The following SLC8A1 variants were observed in gnomAD, a reference collection of about 807,000 sequenced individuals.
The protein encoded by SLC8A1 is solute carrier family 8 member A1.
SLC8A1 carries 18 observed loss-of-function variants against 68.3 expected under a neutral mutation model. The ratio of observed to expected loss-of-function variants is 0.26; its 90% CI spans 0.18 to 0.39. The LOEUF (loss-of-function observed/expected upper bound fraction) is 0.39, where lower values mean the gene tolerates loss of function less well. Among genes scored for constraint, SLC8A1 ranks in the 10% least tolerant of loss-of-function variants. SLC8A1 has a pLI of 1.00. For missense variants in SLC8A1, 985 were observed against 1,156.7 expected, an observed-to-expected ratio of 0.85 and a Z score of 2.15; for synonymous variants, 475 against 415.5, an observed-to-expected ratio of 1.14 and a Z score of -1.74.
chr2:40,386,676 T>G (rs920545685), intron 2 of SLC8A1, among the ~76,000 whole-genome samples: 2 of 150,180 alleles, frequency 1.3e-5, no homozygotes, highest in African/African-American at 5.0e-5. Context: ...ATATTATTAA[T>G]AAATAATTGT....
chr2:40,252,383 A>AT, intron 2 of SLC8A1, among the ~76,000 whole-genome samples: 1 of 152,058 alleles, frequency 6.6e-6, no homozygotes, highest in Non-Finnish European at 1.5e-5. Flanking sequence ...CCCAGGCTGG[A>AT]GTGCAGTGGC....
At chr2:40,437,665 C>A (rs1257421599) in intron 1 of SLC8A1, among the ~76,000 whole-genome samples, 1 of 151,910 alleles carries the variant, frequency 6.6e-6, no homozygotes, top group Non-Finnish European at 1.5e-5. Flanking sequence ...AACAATAATT[C>A]AGTATTTTTT....
intron 1 of SLC8A1, among the ~76,000 whole-genome samples, chr2:40,435,246 G>A (rs541712769): frequency 3.9e-4 from 59 of 152,218 alleles, no homozygotes; most frequent in African/African-American, 1.4e-3. Flanking sequence ...CAACATTAAA[G>A]CAACCATAAA....
At chr2:40,207,584 C>A (rs905058517) in intron 2 of SLC8A1, among the ~76,000 whole-genome samples, 1 of 151,872 alleles carries the variant, frequency 6.6e-6, no homozygotes, top group African/African-American at 2.4e-5. Context: ...AAATGCTACA[C>A]AAAATATATT....
At chr2:40,397,594 G>A (rs193254140) in intron 2 of SLC8A1, among the ~76,000 whole-genome samples, 59 of 152,216 alleles carry the variant, frequency 3.9e-4, no homozygotes, top group African/African-American at 9.6e-4. Flanking sequence ...GAGCCTGACC[G>A]TTCCAGATCA....
At chr2:40,162,721 A>G (rs1032645138) in intron 5 of SLC8A1, among the ~76,000 whole-genome samples, 5 of 152,164 alleles carry the variant, frequency 3.3e-5, no homozygotes, top group Non-Finnish European at 7.3e-5. Context: ...TGTTGTCTGT[A>G]TTTACCTAGG....
chr2:40,431,975 G>T (rs1698416816), intron 1 of SLC8A1, among the ~76,000 whole-genome samples: 1 of 152,100 alleles, frequency 6.6e-6, no homozygotes. Context: ...AATCAGAGGA[G>T]GGTTATAGCA....
chr2:40,331,549 C>A (rs1475187900), intron 2 of SLC8A1, among the ~76,000 whole-genome samples: 2 of 151,910 alleles, frequency 1.3e-5, no homozygotes, highest in Admixed American at 6.6e-5. Flanking sequence ...TAAAACTCAT[C>A]AATTATTTTT....
At chr2:40,273,933 C>T (rs951114518) in intron 2 of SLC8A1, among the ~76,000 whole-genome samples, 1 of 147,010 alleles carries the variant, frequency 6.8e-6, no homozygotes, top group Admixed American at 6.9e-5. Flanking sequence ...GGGAGAGGTG[C>T]TTCTACTTCA....
chr2:40,167,435 CTT>C (rs1320142426), intron 4 of SLC8A1, among the ~76,000 whole-genome samples: 2 of 152,070 alleles, frequency 1.3e-5, no homozygotes, highest in African/African-American at 4.8e-5. Flanking sequence ...TAAAAACAAA[CTT>C]AATAAAGTAT....
intron 2 of SLC8A1, among the ~76,000 whole-genome samples, chr2:40,350,975 C>T (rs546541033): frequency 3.2e-4 from 48 of 152,214 alleles, no homozygotes; most frequent in African/African-American, 7.2e-4. Context: ...TGAGAAATGA[C>T]GGCAGCTCTG....
chr2:40,321,031 C>T (rs897814112), intron 2 of SLC8A1, among the ~76,000 whole-genome samples: 12 of 152,272 alleles, frequency 7.9e-5, no homozygotes, highest in African/African-American at 2.9e-4. Context: ...AGGCTGTAAA[C>T]TCCCTGAATT....
intron 2 of SLC8A1, among the ~76,000 whole-genome samples, chr2:40,277,821 T>TATATATATATATAC (rs1553469384): frequency 5.8e-5 from 8 of 137,374 alleles, no homozygotes; most frequent in African/African-American, 2.1e-4. Flanking sequence ...TATATATATA[T>TATATATATATATAC]ATATATATAT....
intron 1 of SLC8A1, among the ~76,000 whole-genome samples, chr2:40,448,483 C>G (rs1431455781): frequency 6.6e-6 from 1 of 152,140 alleles, no homozygotes; most frequent in Non-Finnish European, 1.5e-5. Context: ...TAAATCTCAG[C>G]TATATCTCTA....
intron 2 of SLC8A1, among the ~76,000 whole-genome samples, chr2:40,253,897 C>A (rs1231082799): frequency 7.9e-5 from 8 of 101,642 alleles, no homozygotes; most frequent in African/African-American, 2.7e-4. Flanking sequence ...AAGAAACAAA[C>A]GTTGGTTTAT....
intron 2 of SLC8A1, among the ~76,000 whole-genome samples, chr2:40,287,171 T>C (rs969627116): frequency 2.6e-5 from 4 of 152,328 alleles, no homozygotes; most frequent in African/African-American, 7.2e-5. Flanking sequence ...AGTCTGTCAG[T>C]AAATATTTAC....
chr2:40,339,922 A>T (rs1221131422), intron 2 of SLC8A1, among the ~76,000 whole-genome samples: 1 of 152,236 alleles, frequency 6.6e-6, no homozygotes, highest in African/African-American at 2.4e-5. Context: ...TCACAAATTC[A>T]GGTGACAAAG....
At chr2:40,253,045 A>ATATGTATATACATATATATGTATC (rs2063156147) in intron 2 of SLC8A1, among the ~76,000 whole-genome samples, 5 of 86,308 alleles carry the variant, frequency 5.8e-5, no homozygotes, top group African/African-American at 2.0e-4. Context: ...GTATCAGTAT[A>ATATGTATATACATATATATGTATC]TGTATATATG....
At chr2:40,438,722 C>T (rs1263874306) in intron 1 of SLC8A1, among the ~76,000 whole-genome samples, 1 of 152,094 alleles carries the variant, frequency 6.6e-6, no homozygotes, top group African/African-American at 2.4e-5. Context: ...TTCAGTTCAC[C>T]TAAGAATCAC....
Sources: allele counts gnomAD v4.1 joint callset (sites outside exome capture counted in the v4.1 genomes callset), GRCh38; gene constraint gnomAD v4.1.1; transcripts MANE v1.5; gene names NCBI Gene and HGNC (gene_info 2026-07-23, HGNC 2026-07-21).